Variants in CDH4 observed in about 807,000 individuals in gnomAD.
The protein encoded by CDH4 is cadherin 4.
Under a neutral mutation model 86.0 loss-of-function variants are expected in CDH4, and 33 were observed. The ratio of observed to expected loss-of-function variants is 0.38; its 90% CI spans 0.29 to 0.51. CDH4 has a LOEUF of 0.51. CDH4 is among the 20% of genes least tolerant of loss of function. The pLI, the probability that CDH4 is intolerant of heterozygous loss-of-function variation, is 0.86. For synonymous variants in CDH4, 555 were observed against 549.4 expected (o/e 1.01, Z -0.14); for missense variants, 1,114 against 1,307.4 (o/e 0.85, Z 2.28).
Position 61,754,564 on chromosome 20 carries a change from G to C in CDH4, c.396+10775G>C, listed in dbSNP as rs1450255902. ...AGGAACGGGTGCCATTCCAAGGGCA[G>C]CAGCACACAACAGGTGCAGGCACAC... On this transcript the variant is annotated intron_variant, in intron 3 of 15. Coordinates refer to ENST00000614565, the MANE Select transcript of CDH4 (RefSeq NM_001794.5). This position sits in a 1 kb window ranked among gnomAD's most constrained non-coding sequence, Gnocchi z 4.7. 6.6e-6 allele frequency among the ~76,000 whole-genome samples: 1 copy of C among 151,512 alleles called. No individual in the cohort carries two copies. The highest frequency in any genetic ancestry group is 1.5e-5 in the Non-Finnish European group (1 of 67,994).
intron 2 of CDH4, among the ~76,000 whole-genome samples, chr20:61,463,499 A>G (rs2427115): frequency 0.41 from 63,049 of 152,104 alleles, 14,186 homozygotes; most frequent in Admixed American, 0.52. Context: ...GAATCCTGGG[A>G]ATCAGGATCT....
rs184046109 is a variant in CDH4, at chr20:61,708,645, G to C, written c.170-34918G>C. On this transcript the variant is annotated intron_variant, in intron 2 of 15. Transcript: ENST00000614565. This position sits in a 1 kb window ranked among gnomAD's most constrained non-coding sequence, Gnocchi z 4.5. ...CCTGTGCCTGGAGCCCCTCCCAGACGTTTGCACCCCACCCCTTCCCATCCT... is the reference window on the plus strand; with the variant it reads ...CCTGTGCCTGGAGCCCCTCCCAGACCTTTGCACCCCACCCCTTCCCATCCT... Among the ~76,000 whole-genome samples, 236 of 152,084 alleles carry C rather than the reference G, an allele frequency of 1.6e-3. No individual in the cohort carries two copies. The highest frequency in any genetic ancestry group is 5.5e-3 in the African/African-American group (230 of 41,500).
intron 2 of CDH4, among the ~76,000 whole-genome samples, chr20:61,580,542 G>A (rs1479147660): frequency 6.6e-6 from 1 of 152,194 alleles, no homozygotes; most frequent in African/African-American, 2.4e-5. Flanking sequence ...GTTGATGCAT[G>A]TAGACCTCTC....
chr20:61,369,563 A>G (rs958917586), intron 2 of CDH4, among the ~76,000 whole-genome samples: 4 of 151,804 alleles, frequency 2.6e-5, no homozygotes, highest in Non-Finnish European at 5.9e-5. Flanking sequence ...TGTACTGTGC[A>G]TACGTAAGAA....
intron 2 of CDH4, among the ~76,000 whole-genome samples, chr20:61,722,841 C>A (rs2088058604): frequency 6.6e-6 from 1 of 152,150 alleles, no homozygotes; most frequent in African/African-American, 2.4e-5. Context: ...TAGGACTTCT[C>A]AGACCCTCTG....
rs552249901 is a variant in CDH4 at position 61,783,084 on chromosome 20, C to CA, written c.576+9911dup. Among the ~76,000 whole-genome samples the CA allele has an allele frequency of 6.0e-5, 9 of 150,568 alleles. No homozygotes were observed. In the East Asian group the frequency reaches 9.7e-4, roughly 16 times the overall value. On this transcript the variant is annotated intron_variant, in intron 4 of 15. Coordinates refer to ENST00000614565, the MANE Select transcript of CDH4 (RefSeq NM_001794.5). ...TGGGTAACAGAGTGAGACCTTGTTT[C>CA]AAAAAAAAAGAATTTCTTTATATAT...
chr20:61,341,416 C>A (rs1256038633), intron 2 of CDH4, among the ~76,000 whole-genome samples: 1 of 151,938 alleles, frequency 6.6e-6, no homozygotes, highest in Non-Finnish European at 1.5e-5. Context: ...AATTTTATGG[C>A]CTAATATTGG....
At chr20:61,531,082 T>C (rs969295316) in intron 2 of CDH4, among the ~76,000 whole-genome samples, 1 of 115,314 alleles carries the variant, frequency 8.7e-6, no homozygotes, top group South Asian at 2.4e-4. Context: ...GGAAATTCGG[T>C]ACACAGGCAC....
At chr20:61,844,633 G>A (rs1568845750) in intron 4 of CDH4, 35 bp from the exon 5 acceptor site, 2 of 1,591,088 alleles carry the variant, frequency 1.3e-6, no homozygotes, top group Non-Finnish European at 8.6e-7. Context: ...CCTCACCACA[G>A]GATAACCTCT....
At chr20:61,904,024 T>C (rs905443861) in intron 8 of CDH4, among the ~76,000 whole-genome samples, 8 of 152,222 alleles carry the variant, frequency 5.3e-5, no homozygotes, top group Admixed American at 2.6e-4. Context: ...CTTGGTGCTT[T>C]GGAGGCATCT....
intron 2 of CDH4, among the ~76,000 whole-genome samples, chr20:61,729,716 G>A (rs1044056496): frequency 6.6e-6 from 1 of 152,260 alleles, no homozygotes; most frequent in Non-Finnish European, 1.5e-5. Flanking sequence ...TTGTTGCCAT[G>A]TTGGCTGGCT....
rs2054925751 is a variant in CDH4, at chr20:61,918,119, G to A, written c.1375-5332G>A. ...GGCGTTGGCATGGACAGCTCTGGGG[G>A]GGACCCCAACACGATGTGGGTGCAG... is the stretch of plus-strand genomic sequence containing the variant. On this transcript the variant is annotated intron_variant, in intron 9 of 15. Transcript: ENST00000614565. Among the ~76,000 whole-genome samples, 3 of 152,360 alleles carry A rather than the reference G, an allele frequency of 2.0e-5. No homozygotes were observed. In the South Asian group the frequency reaches 6.2e-4, roughly 32 times the overall value.
chr20:61,757,354 G>A (rs1000704758), intron 3 of CDH4, among the ~76,000 whole-genome samples: 7 of 152,262 alleles, frequency 4.6e-5, no homozygotes, highest in African/African-American at 7.2e-5. Flanking sequence ...TCATGGGTGC[G>A]AAGGACGGGA....
intron 4 of CDH4, among the ~76,000 whole-genome samples, chr20:61,804,893 C>T (rs1176496545): frequency 6.6e-6 from 1 of 152,218 alleles, no homozygotes; most frequent in African/African-American, 2.4e-5. Context: ...ATAAACGGAA[C>T]ATACAGAGCT....
chr20:61,578,334 CT>C (rs1321142066), intron 2 of CDH4, among the ~76,000 whole-genome samples: 1 of 152,190 alleles, frequency 6.6e-6, no homozygotes, highest in African/African-American at 2.4e-5. Context: ...ATCTAAGGGT[CT>C]TTAATTTTTT....
intron 2 of CDH4, among the ~76,000 whole-genome samples, chr20:61,309,730 A>AT (rs1203310228): frequency 3.3e-5 from 5 of 152,264 alleles, no homozygotes; most frequent in African/African-American, 1.2e-4. Flanking sequence ...TAATTTGTAG[A>AT]TTCCCTTGTC....
chr20:61,296,300 TGG>T (rs2084353960), intron 2 of CDH4, among the ~76,000 whole-genome samples: 1 of 150,088 alleles, frequency 6.7e-6, no homozygotes, highest in African/African-American at 2.5e-5. Flanking sequence ...TGTGTGTGCG[TGG>T]GTGCGTGTGT....
intron 2 of CDH4, among the ~76,000 whole-genome samples, chr20:61,305,978 G>A (rs1029631320): frequency 7.9e-5 from 12 of 152,194 alleles, no homozygotes; most frequent in African/African-American, 9.7e-5. Flanking sequence ...CACCACTTCC[G>A]TTGACCTTTT....
At chr20:61,859,192 T>C (rs551085799) in intron 6 of CDH4, among the ~76,000 whole-genome samples, 23 of 152,288 alleles carry the variant, frequency 1.5e-4, no homozygotes, top group Non-Finnish European at 2.1e-4. Flanking sequence ...TATTGGCATC[T>C]GCGTGTCCTC....
Sources: gnomAD v4.1 joint callset for allele counts (sites outside exome capture counted in the v4.1 genomes callset) on GRCh38, gnomAD v4.1.1 for gene constraint, Gnocchi (gnomAD v3.1) non-coding constraint, MANE v1.5 for transcripts, NCBI Gene and HGNC (gene_info 2026-07-23, HGNC 2026-07-21) for gene names.